The following NEGR1 variants were observed in gnomAD, a reference collection of about 807,000 sequenced individuals.
The protein encoded by NEGR1 is IgLON family member 4.
NEGR1 carries 10 observed loss-of-function variants against 40.9 expected under a neutral mutation model. The ratio of observed to expected loss-of-function variants is 0.24; its 90% CI spans 0.15 to 0.42. The LOEUF is 0.42. Among genes scored for constraint, NEGR1 ranks in the 10% least tolerant of loss-of-function variants. The pLI, the probability that NEGR1 is intolerant of heterozygous loss-of-function variation, is 1.00. For synonymous variants in NEGR1, 185 were observed against 166.8 expected (o/e 1.11, Z -0.84); for missense variants, 352 against 438.9 (o/e 0.80, Z 1.77).
At chr1:71,675,480 T>C (rs1324887344) in intron 4 of NEGR1, among the ~76,000 whole-genome samples, 3 of 151,764 alleles carry the variant, frequency 2.0e-5, no homozygotes, top group Non-Finnish European at 4.4e-5. Flanking sequence ...TCTATATATC[T>C]ATATGTATCT....
chr1:72,143,930 T>C (rs111922233), intron 1 of NEGR1, among the ~76,000 whole-genome samples: 1 of 140,506 alleles, frequency 7.1e-6, no homozygotes, highest in Non-Finnish European at 1.5e-5. Flanking sequence ...TATATATATA[T>C]ATATATATAT....
intron 1 of NEGR1, among the ~76,000 whole-genome samples, chr1:72,281,249 G>A (rs1656234518): frequency 6.7e-6 from 1 of 148,908 alleles, no homozygotes; most frequent in African/African-American, 2.6e-5. Flanking sequence ...GAGAGAAGCA[G>A]AGACAGAGTG....
At chr1:71,442,021 T>C (rs1646550421) in intron 6 of NEGR1, among the ~76,000 whole-genome samples, 1 of 152,194 alleles carries the variant, frequency 6.6e-6, no homozygotes, top group South Asian at 2.1e-4. Flanking sequence ...GAATGTACTT[T>C]GTAAAATGAT....
chr1:71,930,483 G>A (rs1557440754), intron 2 of NEGR1, among the ~76,000 whole-genome samples: 1 of 152,154 alleles, frequency 6.6e-6, no homozygotes, highest in East Asian at 1.9e-4. Context: ...CCTCACCTCT[G>A]ACTGCATCCT....
At chr1:71,419,806 C>G (rs563411411) in intron 6 of NEGR1, among the ~76,000 whole-genome samples, 1 of 150,842 alleles carries the variant, frequency 6.6e-6, no homozygotes, top group African/African-American at 2.4e-5. Context: ...ACTTGTAAAA[C>G]GGGAAAATGA....
intron 4 of NEGR1, among the ~76,000 whole-genome samples, chr1:71,653,563 T>C (rs1260016304): frequency 6.6e-6 from 1 of 152,198 alleles, no homozygotes; most frequent in Non-Finnish European, 1.5e-5. Context: ...TGTACACCCT[T>C]ATCTGATTAC....
chr1:71,944,778 T>TA (rs1287643692), intron 1 of NEGR1, among the ~76,000 whole-genome samples: 1 of 152,100 alleles, frequency 6.6e-6, no homozygotes, highest in East Asian at 1.9e-4. Flanking sequence ...TTTTTCCTAA[T>TA]AAAAAATATT....
At chr1:71,606,385 T>A (rs1171877276) in intron 5 of NEGR1, among the ~76,000 whole-genome samples, 1 of 152,154 alleles carries the variant, frequency 6.6e-6, no homozygotes, top group East Asian at 1.9e-4. Flanking sequence ...CCAGGTGACA[T>A]CTTGACTGCA....
At chr1:71,703,745 T>C (rs1249416817) in intron 3 of NEGR1, among the ~76,000 whole-genome samples, 1 of 151,724 alleles carries the variant, frequency 6.6e-6, no homozygotes. Context: ...ATTGCCAAAT[T>C]GAAGCAGAGA....
chr1:71,617,532 G>A (rs1005890135), intron 4 of NEGR1, among the ~76,000 whole-genome samples: 1 of 152,170 alleles, frequency 6.6e-6, no homozygotes, highest in African/African-American at 2.4e-5. Flanking sequence ...AAACTGAATT[G>A]GTTATTTTGT....
chr1:72,192,063 A>G (rs1179220039), intron 1 of NEGR1, among the ~76,000 whole-genome samples: 1 of 151,892 alleles, frequency 6.6e-6, no homozygotes, highest in African/African-American at 2.4e-5. Context: ...ATAGTTTTGG[A>G]ACATTATAAA....
intron 3 of NEGR1, among the ~76,000 whole-genome samples, chr1:71,709,959 G>C (rs548214697): frequency 9.1e-4 from 138 of 152,178 alleles, no homozygotes; most frequent in Non-Finnish European, 1.6e-3. Context: ...ACAACCCATA[G>C]AATGGGAGAA....
rs544150433 is a variant in NEGR1 at position 71,556,748 on chromosome 1, C to T, written c.940+36069G>A. ...AAAGAAAGAGAGAGGGAGATTTATACTCCCAAAATAAACCGTGGCTGGGAG... is the reference window on the plus strand; with the variant it reads ...AAAGAAAGAGAGAGGGAGATTTATATTCCCAAAATAAACCGTGGCTGGGAG... On this transcript the variant is annotated intron_variant, in intron 6 of 6. Transcript: ENST00000357731. 3.0e-4 allele frequency among the ~76,000 whole-genome samples: 46 copies of T among 151,562 alleles called. No homozygotes were observed. In the South Asian group the frequency reaches 8.9e-3, roughly 29 times the overall value.
intron 4 of NEGR1, among the ~76,000 whole-genome samples, chr1:71,666,614 T>C (rs991190806): frequency 6.6e-6 from 1 of 152,170 alleles, no homozygotes; most frequent in Non-Finnish European, 1.5e-5. Context: ...ACTGCAATTA[T>C]ATTGGGATTT....
chr1:72,225,500 A>C (rs1413648948), intron 1 of NEGR1, among the ~76,000 whole-genome samples: 1 of 151,648 alleles, frequency 6.6e-6, no homozygotes, highest in Non-Finnish European at 1.5e-5. Flanking sequence ...TGATTTTATG[A>C]AGTATTGACT....
chr1:71,898,690 C>T (rs1346812445), intron 2 of NEGR1, among the ~76,000 whole-genome samples: 1 of 150,864 alleles, frequency 6.6e-6, no homozygotes, highest in Non-Finnish European at 1.5e-5. Context: ...TTTAAATACA[C>T]GTTTGGACGT....
chr1:72,224,068 T>C (rs1015933331), intron 1 of NEGR1, among the ~76,000 whole-genome samples: 1 of 152,168 alleles, frequency 6.6e-6, no homozygotes, highest in African/African-American at 2.4e-5. Flanking sequence ...CACAGTTGCA[T>C]GACAATTGCT....
At chr1:72,105,247 G>T (rs1649092283) in intron 1 of NEGR1, among the ~76,000 whole-genome samples, 1 of 152,024 alleles carries the variant, frequency 6.6e-6, no homozygotes, top group Admixed American at 6.6e-5. Context: ...AATCCACTTT[G>T]AGAATAAAAA....
At chr1:72,033,286 T>A (rs7548611) in intron 1 of NEGR1, among the ~76,000 whole-genome samples, 2 of 152,180 alleles carry the variant, frequency 1.3e-5, no homozygotes, top group Non-Finnish European at 2.9e-5. Context: ...GAAGAACCTT[T>A]GGGCTATTTT....
Sources: allele counts gnomAD v4.1 joint callset (sites outside exome capture counted in the v4.1 genomes callset), GRCh38; gene constraint gnomAD v4.1.1; transcripts MANE v1.5; gene names NCBI Gene and HGNC (gene_info 2026-07-23, HGNC 2026-07-21).